The following PXDNL variants were observed in gnomAD, a reference collection of about 807,000 sequenced individuals.
PXDNL encodes peroxidasin like.
PXDNL carries 145 observed loss-of-function variants against 150.8 expected under a neutral mutation model. That is an observed-to-expected ratio of 0.96 (90% confidence interval 0.84 to 1.10). The LOEUF (loss-of-function observed/expected upper bound fraction) is 1.10. Among genes scored for constraint, PXDNL ranks in the 50% least tolerant of loss-of-function variants. The probability of loss-of-function intolerance (pLI) is 0.00; values close to 1 mark genes in which losing one functional copy is unlikely to be tolerated. For synonymous variants in PXDNL, 757 were observed against 725.7 expected (o/e 1.04, Z -0.69); for missense variants, 2,087 against 1,873.9 (o/e 1.11, Z -2.10).
At chr8:51,461,058 T>G (rs1810067313) in intron 8 of PXDNL, among the ~76,000 whole-genome samples, 1 of 152,060 alleles carries the variant, frequency 6.6e-6, no homozygotes, top group Admixed American at 6.5e-5. Context: ...CCAGGGTGAG[T>G]GCTTTGCCAG....
At chr8:51,536,409 C>G (rs1812080149) in intron 4 of PXDNL, among the ~76,000 whole-genome samples, 1 of 152,104 alleles carries the variant, frequency 6.6e-6, no homozygotes, top group Non-Finnish European at 1.5e-5. Context: ...AGAAAAAGAA[C>G]AGTAGCTAAA....
chr8:51,747,376 T>A (rs2036997159), intron 1 of PXDNL, among the ~76,000 whole-genome samples: 1 of 152,238 alleles, frequency 6.6e-6, no homozygotes, highest in Non-Finnish European at 1.5e-5. Context: ...TCAGTTGCTC[T>A]CCAGTATTTC....
At chr8:51,441,799 G>C (rs1388277846) in intron 12 of PXDNL, among the ~76,000 whole-genome samples, 1 of 152,140 alleles carries the variant, frequency 6.6e-6, no homozygotes, top group African/African-American at 2.4e-5. Context: ...CTATTAGCTG[G>C]GGTTGGTTCT....
chr8:51,563,422 C>T (rs1481258324), intron 3 of PXDNL, among the ~76,000 whole-genome samples: 1 of 151,938 alleles, frequency 6.6e-6, no homozygotes, highest in Non-Finnish European at 1.5e-5. Flanking sequence ...ACACTCATGA[C>T]CTCACCTAAA....
intron 1 of PXDNL, among the ~76,000 whole-genome samples, chr8:51,750,577 T>A (rs953615384): frequency 1.7e-4 from 26 of 152,234 alleles, no homozygotes; most frequent in Admixed American, 1.6e-3. Flanking sequence ...CATTATGTGG[T>A]GCATGACTGT....
intron 4 of PXDNL, among the ~76,000 whole-genome samples, chr8:51,513,709 A>T (rs1203937103): frequency 6.6e-6 from 1 of 152,212 alleles, no homozygotes; most frequent in African/African-American, 2.4e-5. Flanking sequence ...CTTTATTCTA[A>T]ATTGGCTTTA....
At chr8:51,466,005 C>T (rs1810197167) in intron 8 of PXDNL, among the ~76,000 whole-genome samples, 1 of 151,938 alleles carries the variant, frequency 6.6e-6, no homozygotes, top group Non-Finnish European at 1.5e-5. Flanking sequence ...CTATTCCTAT[C>T]AAAACACCAA....
In PXDNL at chr8:51,611,042, G is replaced by A. The variant is rs968282893; in HGVS notation, c.237-18344C>T. Among the ~76,000 whole-genome samples the A allele has an allele frequency of 1.8e-4, 27 of 152,126 alleles. 1 individual carries two copies. Among genetic ancestry groups the A allele is most frequent in the African/African-American group, 3.6e-4 (15 of 41,430 alleles). On this transcript the variant is annotated intron_variant, in intron 2 of 22. Transcript: ENST00000356297. ...GATGCCCATCATATGCAGAGGCCCC[G>A]TCCACATTCCAGGGCAGGGTCATTG...
intron 3 of PXDNL, among the ~76,000 whole-genome samples, chr8:51,568,222 T>C (rs972940006): frequency 6.6e-6 from 1 of 151,490 alleles, no homozygotes; most frequent in African/African-American, 2.4e-5. Flanking sequence ...CCTTCCTTTG[T>C]ATAAGTCTGA....
At chr8:51,594,581 A>C (rs1025665664) in intron 2 of PXDNL, among the ~76,000 whole-genome samples, 1 of 152,240 alleles carries the variant, frequency 6.6e-6, no homozygotes. Context: ...TATGATGTGC[A>C]TAACCTAAAG....
At chr8:51,553,478 A>G (rs1458050974) in intron 4 of PXDNL, among the ~76,000 whole-genome samples, 6 of 151,960 alleles carry the variant, frequency 3.9e-5, no homozygotes, top group Non-Finnish European at 8.8e-5. Flanking sequence ...TTAATACCAA[A>G]CTACGGACTC....
intron 4 of PXDNL, among the ~76,000 whole-genome samples, chr8:51,552,155 T>C (rs989044822): frequency 2.0e-5 from 3 of 152,134 alleles, no homozygotes; most frequent in African/African-American, 7.2e-5. Flanking sequence ...AGAACGGCCA[T>C]AATGTAATTA....
intron 2 of PXDNL, among the ~76,000 whole-genome samples, chr8:51,652,460 C>T (rs10594989): frequency 7.2e-6 from 1 of 137,988 alleles, no homozygotes; most frequent in East Asian, 2.1e-4. Flanking sequence ...CACACACACA[C>T]AAACACACAC....
intron 1 of PXDNL, among the ~76,000 whole-genome samples, chr8:51,766,002 C>A (rs2037226715): frequency 6.6e-6 from 1 of 152,086 alleles, no homozygotes; most frequent in Admixed American, 6.6e-5. Flanking sequence ...CGCCACCATG[C>A]CCGCCTAATT....
chr8:51,562,890 C>T (rs1812745917), intron 3 of PXDNL, among the ~76,000 whole-genome samples: 1 of 151,856 alleles, frequency 6.6e-6, no homozygotes, highest in African/African-American at 2.4e-5. Flanking sequence ...TTTTTGCAGG[C>T]TTTATAGTGG....
rs1188033805 is a variant in PXDNL at position 51,455,131 on chromosome 8, A to AAAAAAAAAAAAAAAAG, written c.983-1347_983-1346insCTTTTTTTTTTTTTTT. Among the ~76,000 whole-genome samples the AAAAAAAAAAAAAAAAG allele has an allele frequency of 3.8e-3, 349 of 91,752 alleles. 42 individuals carry two copies. The highest frequency in any genetic ancestry group is 5.1e-3 in the Non-Finnish European group (252 of 49,340). The allele number at this position is 91,752 out of a possible 152,430, so 60.2% of individuals were successfully genotyped here. Reference sequence around the variant, plus strand: ...ACTCCGTCTCAAAAAAAAAAAAAAAAAAGAGGTAAGGGAAAGTATAGGGAA... The same window carrying AAAAAAAAAAAAAAAAG: ...ACTCCGTCTCAAAAAAAAAAAAAAAAAAAAAAAAAAAAAAAGAAGAGGTAAGGGAAAGTATAGGGAA... On this transcript the variant is annotated intron_variant, in intron 9 of 22. Transcript: ENST00000356297.
chr8:51,755,140 A>G (rs746933493), intron 1 of PXDNL, among the ~76,000 whole-genome samples: 2 of 152,222 alleles, frequency 1.3e-5, no homozygotes, highest in Non-Finnish European at 2.9e-5. Context: ...CAAAAGGACA[A>G]ATGGGCCCCA....
At chr8:51,342,830 A>G (rs1806028811) in intron 20 of PXDNL, among the ~76,000 whole-genome samples, 1 of 150,578 alleles carries the variant, frequency 6.6e-6, no homozygotes. Flanking sequence ...TAACATGTCC[A>G]CAGTATATAG....
chr8:51,568,973 CT>C (rs1271151195), intron 3 of PXDNL, among the ~76,000 whole-genome samples: 3 of 151,808 alleles, frequency 2.0e-5, no homozygotes, highest in African/African-American at 7.3e-5. Context: ...TTCTGTTTCT[CT>C]GCTTAAATTA....
Sources: gnomAD v4.1 joint callset for allele counts (sites outside exome capture counted in the v4.1 genomes callset) on GRCh38, gnomAD v4.1.1 for gene constraint, MANE v1.5 for transcripts, NCBI Gene and HGNC (gene_info 2026-07-23, HGNC 2026-07-21) for gene names.